TNKS: variants seen among roughly 807,000 people sequenced by gnomAD.
The protein encoded by TNKS is poly [ADP-ribose] polymerase tankyrase-1.
TNKS carries 72 observed loss-of-function variants against 135.8 expected under a neutral mutation model. The observed-to-expected ratio is 0.53, with a 90% CI of 0.44 to 0.64. TNKS has a LOEUF of 0.64. Ranked by LOEUF, TNKS falls within the 30% of genes least tolerant of loss-of-function variation. TNKS has a pLI of 0.00. For missense variants in TNKS, 1,769 were observed against 1,674.0 expected, an observed-to-expected ratio of 1.06 and a Z score of -0.99; for synonymous variants, 849 against 649.3, an observed-to-expected ratio of 1.31 and a Z score of -4.68.
At chr8:9,730,415 A>C (rs1206102124) in intron 13 of TNKS, among the ~76,000 whole-genome samples, 2 of 152,162 alleles carry the variant, frequency 1.3e-5, no homozygotes, top group Admixed American at 1.3e-4. Flanking sequence ...AGACCCAGGG[A>C]GTGGCCCAGG....
At chr8:9,675,481 A>C (rs1802495162) in intron 3 of TNKS, among the ~76,000 whole-genome samples, 1 of 152,210 alleles carries the variant, frequency 6.6e-6, no homozygotes, top group African/African-American at 2.4e-5. Context: ...ATGCTATGGA[A>C]AATGCAAAAT....
intron 3 of TNKS, among the ~76,000 whole-genome samples, chr8:9,665,670 C>T (rs73664774): frequency 1.3e-5 from 2 of 152,130 alleles, no homozygotes; most frequent in African/African-American, 4.8e-5. Flanking sequence ...CTCATAATAA[C>T]CTTGTGCTGC....
rs1346144891 is a variant in TNKS, at chr8:9,770,176, G to A, written c.3811G>A (p.Ala1271Thr). The change falls in exon 26 of 27, where the codon GCG (alanine) becomes ACG (threonine). Residue 1271 changes from alanine to threonine, a missense_variant. Physicochemically the swap from Ala to Thr is moderately conservative, Grantham distance 58. This residue lies in a region of TNKS where 722 missense variants were observed against 688.9 expected (regional missense o/e 1.05). Transcript: ENST00000310430. ...GTTTAGCACCATGAAAATGGCCCAC[G>A]CGCCTCCAGGGCACCACTCAGTCAT... is the stretch of plus-strand genomic sequence containing the variant. ...LQFSTMKMAH[A>T]PPGHHSVIGR... The A allele has an allele frequency of 1.4e-5, 22 of 1,613,234 alleles. No individual in the cohort carries two copies. Among genetic ancestry groups the A allele is most frequent in the Non-Finnish European group, 1.7e-5 (20 of 1,179,938 alleles).
chr8:9,593,039 A>G (rs1038944268), intron 2 of TNKS, among the ~76,000 whole-genome samples: 1 of 152,340 alleles, frequency 6.6e-6, no homozygotes, highest in South Asian at 2.1e-4. Context: ...TCCACAAAGG[A>G]TAGTAAAACA....
chr8:9,760,665 C>A (rs975883440), intron 20 of TNKS, among the ~76,000 whole-genome samples: 1 of 152,150 alleles, frequency 6.6e-6, no homozygotes, highest in Non-Finnish European at 1.5e-5. Flanking sequence ...TGGCTACCCG[C>A]GTTCATCCTG....
chr8:9,657,612 T>C (rs1205079242), intron 3 of TNKS, among the ~76,000 whole-genome samples: 37 of 62,404 alleles, frequency 5.9e-4, no homozygotes, highest in Admixed American at 9.6e-4. Context: ...CTGACCCCCC[T>C]ACCTCCCTCC....
At chr8:9,626,316 G>A (rs990216270) in intron 3 of TNKS, among the ~76,000 whole-genome samples, 24 of 152,048 alleles carry the variant, frequency 1.6e-4, no homozygotes, top group Admixed American at 1.3e-3. Context: ...CTTTTAGATG[G>A]CATATTAGTT....
At chr8:9,558,100 T>A (rs1797158935) in intron 1 of TNKS, 1 of 152,200 alleles carries the variant, frequency 6.6e-6, no homozygotes, top group Non-Finnish European at 1.5e-5. Flanking sequence ...CATTTTACAT[T>A]GTCACATACG....
chr8:9,580,149 T>C lies in TNKS; in HGVS notation c.674-10T>C. On this transcript the variant is annotated splice_polypyrimidine_tract_variant and intron_variant, in intron 1 of 26. Transcript: ENST00000310430. ...ATATATATACAAGACATTTTTTCGTTTCTTTTTAGGTTTTGGAAGGAAGGA... is the reference window on the plus strand; with the variant it reads ...ATATATATACAAGACATTTTTTCGTCTCTTTTTAGGTTTTGGAAGGAAGGA... The C allele has an allele frequency of 1.2e-6, 2 of 1,613,016 alleles. No homozygotes were observed. Among genetic ancestry groups the C allele is most frequent in the East Asian group, 2.2e-5 (1 of 44,870 alleles).
chr8:9,641,207 G>T (rs777696119), intron 3 of TNKS, among the ~76,000 whole-genome samples: 3 of 145,168 alleles, frequency 2.1e-5, no homozygotes, highest in Non-Finnish European at 4.5e-5. Flanking sequence ...ATTTCTTAAG[G>T]TGCAAATTTC....
intron 3 of TNKS, among the ~76,000 whole-genome samples, chr8:9,667,546 C>A (rs1287594847): frequency 2.0e-5 from 3 of 152,210 alleles, no homozygotes; most frequent in Non-Finnish European, 4.4e-5. Flanking sequence ...AGGCATGTGA[C>A]TGCTTTTTGA....
At chr8:9,556,961 C>T in intron 1 of TNKS, 1 of 450,830 alleles carries the variant, frequency 2.2e-6, no homozygotes, top group Non-Finnish European at 3.9e-6. Context: ...CGTTTGTGTG[C>T]TAGTTTATTT....
intron 20 of TNKS, among the ~76,000 whole-genome samples, chr8:9,758,142 T>C (rs1011054294): frequency 1.5e-4 from 23 of 152,218 alleles, no homozygotes; most frequent in African/African-American, 5.3e-4. Flanking sequence ...TCATTATCTG[T>C]CATTGTAAGG....
At chr8:9,698,943 A>T (rs189472052) in intron 5 of TNKS, among the ~76,000 whole-genome samples, 2 of 152,336 alleles carry the variant, frequency 1.3e-5, no homozygotes, top group Admixed American at 1.3e-4. Flanking sequence ...ATCAGTGATA[A>T]GATTTATCTT....
chr8:9,660,645 A>T (rs1437101838), intron 3 of TNKS, among the ~76,000 whole-genome samples: 1 of 152,176 alleles, frequency 6.6e-6, no homozygotes, highest in Non-Finnish European at 1.5e-5. Flanking sequence ...GAATGGACAA[A>T]AACTGGAAGC....
At chr8:9,618,408 A>G (rs1410193107) in intron 3 of TNKS, among the ~76,000 whole-genome samples, 1 of 152,216 alleles carries the variant, frequency 6.6e-6, no homozygotes, top group African/African-American at 2.4e-5. Flanking sequence ...GGATATTTAA[A>G]TGAGAAGACT....
intron 15 of TNKS, among the ~76,000 whole-genome samples, chr8:9,734,317 T>A (rs1169330933): frequency 6.6e-6 from 1 of 152,224 alleles, no homozygotes; most frequent in Non-Finnish European, 1.5e-5. Context: ...TAGCTATTGG[T>A]AATTAAACTT....
Position 9,748,037 on chromosome 8 carries a change from C to T in TNKS, c.2657C>T (p.Ala886Val), listed in dbSNP as rs1806324277. ...NAASYGHVDI[A>V]ALLIKYNTCV... ...CTTTTTTTTCAGCATGTTGACATAG[C>T]GGCTTTATTGATAAAATACAACACG... Residue 886 changes from alanine to valine, a missense_variant, in exon 18 of 27, where the codon GCG (alanine) becomes GTG (valine). Around this residue, in one of 5 missense-constraint regions of TNKS, gnomAD observed 722 missense variants for 688.9 expected, o/e 1.05. Transcript: ENST00000310430. 5 of 1,605,588 alleles carry T rather than the reference C, an allele frequency of 3.1e-6. No homozygotes were observed. Among genetic ancestry groups the T allele is most frequent in the Middle Eastern group, 1.7e-4 (1 of 6,006 alleles).
chr8:9,766,894 G>A (rs1807482258), intron 25 of TNKS, among the ~76,000 whole-genome samples: 1 of 152,160 alleles, frequency 6.6e-6, no homozygotes, highest in Non-Finnish European at 1.5e-5. Flanking sequence ...AGCCTCTTCT[G>A]ACAGGAGCAA....
Sources: gnomAD v4.1 joint callset for allele counts (sites outside exome capture counted in the v4.1 genomes callset) on GRCh38, gnomAD v4.1.1 for gene constraint, gnomAD v4.1.1 regional missense constraint, MANE v1.5 for transcripts, NCBI Gene and HGNC (gene_info 2026-07-23, HGNC 2026-07-21) for gene names.